The following GPC5 variants were observed in gnomAD, a reference collection of about 807,000 sequenced individuals.
The protein encoded by GPC5 is glypican 5.
Under a neutral mutation model 53.9 loss-of-function variants are expected in GPC5, and 47 were observed. The observed-to-expected ratio is 0.87, with a 90% CI of 0.69 to 1.11. The LOEUF (loss-of-function observed/expected upper bound fraction) is 1.11, where lower values mean the gene tolerates loss of function less well. GPC5 is among the 50% of genes most tolerant of loss of function. GPC5 has a pLI of 0.00. For missense variants in GPC5, 748 were observed against 713.1 expected, an observed-to-expected ratio of 1.05 and a Z score of -0.56; for synonymous variants, 286 against 263.3, an observed-to-expected ratio of 1.09 and a Z score of -0.84.
At position 91,715,841 on chromosome 13, in the gene GPC5, A is replaced by AGG. The variant is rs563965246; in HGVS notation, c.1021-12689_1021-12688dup. Among the ~76,000 whole-genome samples the AGG allele has an allele frequency of 4.0e-5, 6 of 150,984 alleles. No individual in the cohort carries two copies. In the South Asian group the frequency reaches 1.3e-3, roughly 32 times the overall value. ...CAGGCTAGAGTGCAGTGGCTTGAAC[A>AGG]GGGCTCACTGTAGTTTCTAACTTCT... On this transcript the variant is annotated intron_variant, in intron 3 of 7. Coordinates refer to ENST00000377067, the MANE Select transcript of GPC5 (RefSeq NM_004466.6).
rs7328355 is a variant in GPC5 at position 91,400,132 on chromosome 13, A to C, written c.163+923A>C. Among the ~76,000 whole-genome samples the C allele has an allele frequency of 2.0e-5, 3 of 151,996 alleles. No homozygotes were observed. In the South Asian group the frequency reaches 6.2e-4, roughly 32 times the overall value. On this transcript the variant is annotated intron_variant, in intron 1 of 7. Coordinates refer to ENST00000377067, the MANE Select transcript of GPC5 (RefSeq NM_004466.6). ...AGCTAAGTAAGATCTCACTAGAGCCATGCACCCCTTTAGCTGTGACTATGA... is the reference window on the plus strand; with the variant it reads ...AGCTAAGTAAGATCTCACTAGAGCCCTGCACCCCTTTAGCTGTGACTATGA...
rs370696960 is a variant in GPC5 at position 92,560,857 on chromosome 13, A to G, written c.1562-305425A>G. 4.9e-3 allele frequency among the ~76,000 whole-genome samples: 685 copies of G among 139,258 alleles called. 1 individual carries two copies. The highest frequency in any genetic ancestry group is 0.016 in the African/African-American group (596 of 38,098). 91.4% of individuals were successfully genotyped at this position (139,258 alleles called of 152,430 possible). Reference sequence around the variant, plus strand: ...AAATGTTAGAGAAATAGAAAATTATATGTGTGTGTGTGTGTGTGTGTGTGT... The same window carrying G: ...AAATGTTAGAGAAATAGAAAATTATGTGTGTGTGTGTGTGTGTGTGTGTGT... On this transcript the variant is annotated intron_variant, in intron 7 of 7. Coordinates refer to ENST00000377067, the MANE Select transcript of GPC5 (RefSeq NM_004466.6).
intron 7 of GPC5, among the ~76,000 whole-genome samples, chr13:92,292,958 T>G (rs2043008276): frequency 6.6e-6 from 1 of 151,950 alleles, no homozygotes; most frequent in South Asian, 2.1e-4. Flanking sequence ...TTTTCTTTGT[T>G]GAAGATCAGT....
chr13:92,359,947 T>C (rs972480133), intron 7 of GPC5, among the ~76,000 whole-genome samples: 1 of 151,746 alleles, frequency 6.6e-6, no homozygotes. Context: ...TTTTTTCTTG[T>C]AAATTTGTGT....
rs751822929 is a variant in GPC5 at position 92,692,236 on chromosome 13, A to T, written c.1562-174046A>T. Among the ~76,000 whole-genome samples, 111 of 152,112 alleles carry T rather than the reference A, an allele frequency of 7.3e-4. 1 individual carries two copies. Among genetic ancestry groups the T allele is most frequent in the Non-Finnish European group, 1.3e-3 (90 of 68,022 alleles). ...TTTTTTTATGGCTGCATAGTATTACATGGTGTACCTACACCACATTTTCTT... is the reference window on the plus strand; with the variant it reads ...TTTTTTTATGGCTGCATAGTATTACTTGGTGTACCTACACCACATTTTCTT... On this transcript the variant is annotated intron_variant, in intron 7 of 7. Coordinates refer to ENST00000377067, the MANE Select transcript of GPC5 (RefSeq NM_004466.6).
intron 6 of GPC5, among the ~76,000 whole-genome samples, chr13:92,127,248 G>GT (rs1403772914): frequency 6.7e-6 from 1 of 150,366 alleles, no homozygotes; most frequent in Non-Finnish European, 1.5e-5. Context: ...AGTAAACACT[G>GT]TTTTTCATAG....
chr13:91,903,070 A>C (rs2138989340), intron 5 of GPC5, among the ~76,000 whole-genome samples: 1 of 151,728 alleles, frequency 6.6e-6, no homozygotes, highest in South Asian at 2.1e-4. Context: ...CTGTGTATCC[A>C]ATACTAAAAT....
intron 2 of GPC5, among the ~76,000 whole-genome samples, chr13:91,661,167 G>A (rs2034978766): frequency 6.6e-6 from 1 of 152,050 alleles, no homozygotes; most frequent in Non-Finnish European, 1.5e-5. Context: ...AGGGCCTTCT[G>A]CTGGCCATGC....
chr13:92,278,187 G>A (rs1484820522), intron 7 of GPC5, among the ~76,000 whole-genome samples: 1 of 151,806 alleles, frequency 6.6e-6, no homozygotes, highest in Non-Finnish European at 1.5e-5. Flanking sequence ...GGTAAACAAA[G>A]TGTGGTCTAC....
At chr13:92,749,668 T>G (rs1889331128) in intron 7 of GPC5, among the ~76,000 whole-genome samples, 1 of 152,192 alleles carries the variant, frequency 6.6e-6, no homozygotes, top group South Asian at 2.1e-4. Flanking sequence ...TTCCATAACA[T>G]CTTTCAATTG....
chr13:91,934,232 G>A (rs979974445), intron 6 of GPC5, among the ~76,000 whole-genome samples: 5 of 151,908 alleles, frequency 3.3e-5, no homozygotes, highest in African/African-American at 1.2e-4. Context: ...GGTTGGCAAT[G>A]ATTTAGAGGC....
intron 6 of GPC5, among the ~76,000 whole-genome samples, chr13:91,926,642 C>G (rs938545774): frequency 1.3e-5 from 2 of 152,176 alleles, no homozygotes; most frequent in Non-Finnish European, 2.9e-5. Flanking sequence ...ATCCTCTAAG[C>G]TACCCCTTTG....
At chr13:91,499,711 A>C (rs1165954316) in intron 2 of GPC5, among the ~76,000 whole-genome samples, 1 of 151,870 alleles carries the variant, frequency 6.6e-6, no homozygotes, top group Non-Finnish European at 1.5e-5. Flanking sequence ...CCATACAGTT[A>C]CTCTTCTGCC....
intron 6 of GPC5, among the ~76,000 whole-genome samples, chr13:92,053,364 G>A (rs143405212): frequency 5.2e-4 from 79 of 152,220 alleles, no homozygotes; most frequent in Non-Finnish European, 8.8e-4. Context: ...TTCACCTTTC[G>A]TCTGCTGTTT....
At chr13:91,908,545 AG>A (rs1216857595) in intron 6 of GPC5, among the ~76,000 whole-genome samples, 3 of 152,138 alleles carry the variant, frequency 2.0e-5, no homozygotes, top group Admixed American at 1.3e-4. Context: ...CTTATAATCT[AG>A]CTAATGGTTG....
At chr13:91,542,758 A>G (rs188685337) in intron 2 of GPC5, among the ~76,000 whole-genome samples, 25 of 151,520 alleles carry the variant, frequency 1.6e-4, no homozygotes, top group Admixed American at 1.6e-3. Context: ...ATCTCAGCTC[A>G]CTGCAACCTC....
chr13:91,765,170 G>T (rs749672395), intron 5 of GPC5, among the ~76,000 whole-genome samples: 2 of 152,228 alleles, frequency 1.3e-5, no homozygotes, highest in Non-Finnish European at 2.9e-5. Flanking sequence ...TTCCATTTGC[G>T]TAGGCATAGG....
chr13:92,767,428 G>A (rs980198436), intron 7 of GPC5, among the ~76,000 whole-genome samples: 7 of 152,062 alleles, frequency 4.6e-5, no homozygotes, highest in African/African-American at 7.2e-5. Flanking sequence ...CCGGGATCGC[G>A]CCACCACACT....
chr13:92,527,902 G>A (rs1473177474), intron 7 of GPC5, among the ~76,000 whole-genome samples: 3 of 152,032 alleles, frequency 2.0e-5, no homozygotes, highest in Admixed American at 6.6e-5. Flanking sequence ...ACTTAGTTGT[G>A]ATATAAAAGC....
Sources: allele counts gnomAD v4.1 joint callset (sites outside exome capture counted in the v4.1 genomes callset), GRCh38; gene constraint gnomAD v4.1.1; transcripts MANE v1.5; gene names NCBI Gene and HGNC (gene_info 2026-07-23, HGNC 2026-07-21).